The following CASS4 variants were observed in gnomAD, a reference collection of about 807,000 sequenced individuals.
The protein encoded by CASS4 is cas scaffolding protein family member 4.
A neutral mutation model predicts 54.2 loss-of-function variants in CASS4; 22 were observed. The observed-to-expected ratio is 0.41, with a 90% CI of 0.29 to 0.58. The LOEUF is 0.58. Among genes scored for constraint, CASS4 ranks in the 20% least tolerant of loss-of-function variants. CASS4 has a pLI of 0.36. For synonymous variants in CASS4, 409 were observed against 391.5 expected (o/e 1.04, Z -0.53); for missense variants, 854 against 986.7 (o/e 0.87, Z 1.80).
Position 56,458,711 on chromosome 20 carries a change from G to A in CASS4, c.2325G>A (p.Glu775=), listed in dbSNP as rs758872171. 3.1e-6 allele frequency: 5 copies of A among 1,611,186 alleles called. No individual in the cohort carries two copies. The highest frequency in any genetic ancestry group is 4.5e-5 in the East Asian group (2 of 44,810). ...TCCAGGCGGAGGCTGAGAAGCTGGA[G>A]CAACACACGCGGCAGTTCAGAGGGA... ...GHLQAEAEKL[E]QHTRQFRGTL... Residue 775 remains glutamate, a synonymous_variant, in exon 6 of 6, where the codon GAG becomes GAA. Transcript: ENST00000679887.
chr20:56,452,362 G>C lies in CASS4; in HGVS notation c.1186G>C (p.Asp396His). 6.2e-7 allele frequency: 1 copy of C among 1,613,952 alleles called. No individual in the cohort carries two copies. Among genetic ancestry groups the C allele is most frequent in the African/African-American group, 1.3e-5 (1 of 75,020 alleles). The change falls in exon 5 of 6, where the codon GAC (aspartate) becomes CAC (histidine). Residue 396 changes from aspartate to histidine, a missense_variant. Transcript: ENST00000679887. ...RRTTSPSPEP[D>H]RLSGSSSDSR... ...GACAACTTCCCCATCTCCTGAACCG[G>C]ACAGATTATCAGGTTCCAGTTCTGA...
intron 3 of CASS4, among the ~76,000 whole-genome samples, chr20:56,447,149 A>G (rs904248648): frequency 2.0e-5 from 3 of 151,896 alleles, no homozygotes; most frequent in African/African-American, 4.8e-5. Context: ...TGGAGGTTGC[A>G]ATGAGCTGAG....
At chr20:56,446,678 T>C (rs1344286874) in intron 3 of CASS4, among the ~76,000 whole-genome samples, 2 of 152,170 alleles carry the variant, frequency 1.3e-5, no homozygotes, top group Non-Finnish European at 2.9e-5. Flanking sequence ...CCACCTACCA[T>C]TGGGATCAGT....
rs753016401 is a variant in CASS4, at chr20:56,437,426, T to G, written c.299T>G (p.Val100Gly). The change falls in exon 2 of 6, where the codon GTG becomes GGG. Residue 100 changes from valine (V) to glycine (G), a missense_variant. Coordinates refer to ENST00000679887, the MANE Select transcript of CASS4 (RefSeq NM_020356.4). The surrounding 1 kb of genome is among the most constrained non-coding windows in gnomAD (Gnocchi z 4.7). Reference protein sequence around the residue: ...APASSEETYQVPTLPRPPTPG... With the variant: ...APASSEETYQGPTLPRPPTPG... ...GCCAGCTCAGAGGAGACCTATCAGGTGCCCACTCTACCCCGCCCTCCCACT... is the reference window on the plus strand; with the variant it reads ...GCCAGCTCAGAGGAGACCTATCAGGGGCCCACTCTACCCCGCCCTCCCACT... The G allele has an allele frequency of 1.9e-6, 3 of 1,613,846 alleles. No individual in the cohort carries two copies. The highest frequency in any genetic ancestry group is 1.7e-5 in the Admixed American group (1 of 59,984).
Position 56,437,652 on chromosome 20 carries a change from C to A in CASS4, c.459+66C>A. The A allele has an allele frequency of 1.5e-6, 2 of 1,378,738 alleles. No homozygotes were observed. Among genetic ancestry groups the A allele is most frequent in the Non-Finnish European group, 2.0e-6 (2 of 1,021,538 alleles). The allele number at this position is 1,378,738 out of a possible 1,614,324, so 85.4% of individuals were successfully genotyped here. On this transcript the variant is annotated intron_variant, in intron 2 of 5. Transcript: ENST00000679887. This position sits in a 1 kb window ranked among gnomAD's most constrained non-coding sequence, Gnocchi z 4.7. ...TGGAAACACCCAGAGGCCTAACTAC[C>A]TCTTGAGGCATGGGTGTCCTTCAGA...
chr20:56,428,139 C>T (rs865877548), intron 1 of CASS4, among the ~76,000 whole-genome samples: 50 of 152,286 alleles, frequency 3.3e-4, no homozygotes, highest in African/African-American at 1.0e-3. Context: ...TGGATGGAAA[C>T]GGTCTCATGA....
chr20:56,418,988 T>C (rs2146263385), intron 1 of CASS4, among the ~76,000 whole-genome samples: 1 of 152,262 alleles, frequency 6.6e-6, no homozygotes, highest in South Asian at 2.1e-4. Context: ...TTTTATTTCC[T>C]ATAGAGCACA....
Position 56,414,303 on chromosome 20 carries a change from C to G in CASS4, c.36+1809C>G, listed in dbSNP as rs1471276506. On this transcript the variant is annotated intron_variant, in intron 1 of 5. Coordinates refer to ENST00000679887, the MANE Select transcript of CASS4 (RefSeq NM_020356.4). The surrounding 1 kb of genome is among the most constrained non-coding windows in gnomAD (Gnocchi z 4.1). ...TTCTCAGTTCTTAATCTAGAACAAT[C>G]TACTACCTTTTTCTCTTTCATAACA... Among the ~76,000 whole-genome samples the G allele has an allele frequency of 1.3e-5, 2 of 152,188 alleles. No individual in the cohort carries two copies. The highest frequency in any genetic ancestry group is 2.4e-5 in the African/African-American group (1 of 41,418).
At chr20:56,432,354 C>T (rs1979946160) in intron 1 of CASS4, among the ~76,000 whole-genome samples, 1 of 137,980 alleles carries the variant, frequency 7.2e-6, no homozygotes, top group South Asian at 2.3e-4. Context: ...TTTCATAAGT[C>T]CTTTTTTTTT....
chr20:56,417,806 C>T (rs894782767), intron 1 of CASS4, among the ~76,000 whole-genome samples: 4 of 152,208 alleles, frequency 2.6e-5, no homozygotes, highest in South Asian at 2.1e-4. Flanking sequence ...CCCTACCTGG[C>T]GTCAGCCTAA....
In CASS4 at chr20:56,458,405, T is replaced by C; in HGVS notation, c.2019T>C (p.Ser673=). ...CTCCTGAGAGGAAACCCCGCTTATC[T>C]GAACACTGCCGGCTCTACTTTGGGG... The part of the protein sequence containing the change: ...QQTPERKPRL[S]EHCRLYFGAL... Residue 673 remains serine, a synonymous_variant, in exon 6 of 6, where the codon TCT becomes TCC. Transcript: ENST00000679887. The C allele has an allele frequency of 1.2e-6, 2 of 1,614,142 alleles. No homozygotes were observed. Among genetic ancestry groups the C allele is most frequent in the Non-Finnish European group, 1.7e-6 (2 of 1,180,042 alleles).
At chr20:56,446,703 G>A (rs972559066) in intron 3 of CASS4, among the ~76,000 whole-genome samples, 1 of 152,044 alleles carries the variant, frequency 6.6e-6, no homozygotes, top group African/African-American at 2.4e-5. Context: ...CCCAACTTTC[G>A]TTGTATGCAA....
rs148219392 is a variant in CASS4, at chr20:56,452,259, G to T, written c.1083G>T (p.Gln361His). ...DIPKATSSVSQAGKELEKAKE... is the reference protein window; with the variant it reads ...DIPKATSSVSHAGKELEKAKE... ...CTAAAGCAACGTCGAGTGTTTCTCA[G>T]GCTGGGAAGGAGCTGGAGAAAGCCA... is the stretch of plus-strand genomic sequence containing the variant. The change falls in exon 5 of 6, where the codon CAG (glutamine) becomes CAT (histidine). Residue 361 changes from glutamine to histidine, a missense_variant. Physicochemically the swap from Gln to His is conservative, Grantham distance 24. Coordinates refer to ENST00000679887, the MANE Select transcript of CASS4 (RefSeq NM_020356.4). 3 of 1,613,900 alleles carry T rather than the reference G, an allele frequency of 1.9e-6. No homozygotes were observed. In the African/African-American group the frequency reaches 4.0e-5, roughly 22 times the overall value.
chr20:56,456,289 A>G (rs1414655275), intron 5 of CASS4, among the ~76,000 whole-genome samples: 1 of 152,124 alleles, frequency 6.6e-6, no homozygotes, highest in Non-Finnish European at 1.5e-5. Flanking sequence ...GAATCTTAGT[A>G]CATTTTTCAC....
At chr20:56,439,552 T>C (rs1034270634) in intron 2 of CASS4, among the ~76,000 whole-genome samples, 1 of 151,750 alleles carries the variant, frequency 6.6e-6, no homozygotes, top group African/African-American at 2.4e-5. Context: ...GGCAGGCACC[T>C]ATAGTCCCAG....
chr20:56,458,917 T>C lies in CASS4; in HGVS notation c.*170T>C, dbSNP rs901412740. On this transcript the variant is annotated 3_prime_UTR_variant, in exon 6 of 6. Coordinates refer to ENST00000679887, the MANE Select transcript of CASS4 (RefSeq NM_020356.4). Reference sequence around the variant, plus strand: ...GGCTAAGCAACCCCAGGGCATTGACTTACCCCGCAGGGGGTCAGGAAAGAG... The same window carrying C: ...GGCTAAGCAACCCCAGGGCATTGACCTACCCCGCAGGGGGTCAGGAAAGAG... The C allele has an allele frequency of 4.7e-6, 3 of 633,668 alleles. No homozygotes were observed. The highest frequency in any genetic ancestry group is 3.7e-5 in the African/African-American group (2 of 54,560). 39.3% of individuals were successfully genotyped at this position (633,668 alleles called of 1,614,324 possible). A position where few individuals can be genotyped will look rare whatever the true frequency, so the allele number is the denominator to read the frequency against.
Position 56,437,371 on chromosome 20 carries a change from C to T in CASS4, c.244C>T (p.Pro82Ser), listed in dbSNP as rs1164398388. The T allele has an allele frequency of 6.2e-7, 1 of 1,614,134 alleles. No individual in the cohort carries two copies. The highest frequency in any genetic ancestry group is 8.5e-7 in the Non-Finnish European group (1 of 1,179,976). ...TEVAADRPCPPFLRGLEEAPA... is the reference protein window; with the variant it reads ...TEVAADRPCPSFLRGLEEAPA... ...GGTCGCTGCAGACAGGCCGTGCCCC[C>T]CATTCCTGAGAGGCCTGGAAGAAGC... The change falls in exon 2 of 6, where the codon CCA (proline) becomes TCA (serine). Residue 82 changes from proline to serine, a missense_variant. By Grantham distance (74) the Pro-to-Ser change is moderately conservative. Transcript: ENST00000679887. This position sits in a 1 kb window ranked among gnomAD's most constrained non-coding sequence, Gnocchi z 4.7.
intron 5 of CASS4, among the ~76,000 whole-genome samples, chr20:56,454,983 GTT>G (rs760538278): frequency 1.2e-3 from 178 of 152,286 alleles, no homozygotes; most frequent in Non-Finnish European, 1.7e-3. Flanking sequence ...GCTCTGCAAG[GTT>G]GTTGTGGGTG....
At chr20:56,450,538 G>A (rs968070783) in intron 3 of CASS4, 61 bp from the exon 4 acceptor site, 6 of 1,466,174 alleles carry the variant, frequency 4.1e-6, no homozygotes, top group South Asian at 2.3e-5. Context: ...GGGAGTGTTC[G>A]TGATGTGTAG....
Sources: gnomAD v4.1 joint callset for allele counts (sites outside exome capture counted in the v4.1 genomes callset) on GRCh38, gnomAD v4.1.1 for gene constraint, Gnocchi (gnomAD v3.1) non-coding constraint, MANE v1.5 for transcripts, NCBI Gene and HGNC (gene_info 2026-07-23, HGNC 2026-07-21) for gene names.